VPS13A: variants seen among roughly 807,000 people sequenced by gnomAD.
VPS13A encodes the protein vacuolar protein sorting 13 homolog A, also known as intermembrane lipid transfer protein VPS13A.
A neutral mutation model predicts 390.9 loss-of-function variants in VPS13A; 264 were observed. The observed-to-expected ratio is 0.68, with a 90% CI of 0.61 to 0.75. The LOEUF is 0.75. Ranked by LOEUF, VPS13A falls within the 30% of genes least tolerant of loss-of-function variation. The pLI, the probability that VPS13A is intolerant of heterozygous loss-of-function variation, is 0.00. For synonymous variants in VPS13A, 1,231 were observed against 1,227.1 expected (o/e 1.00, Z -0.07); for missense variants, 3,409 against 3,733.9 (o/e 0.91, Z 2.27).
At chr9:77,401,330 TGTG>T (rs930865329) in intron 68 of VPS13A, among the ~76,000 whole-genome samples, 3 of 4,136 alleles carry the variant, frequency 7.3e-4, no homozygotes, top group Non-Finnish European at 1.4e-3. Flanking sequence ...CACATGAAGT[TGTG>T]TGTGTGTGTG....
chr9:77,379,011 A>C (rs1833271866), intron 67 of VPS13A, among the ~76,000 whole-genome samples: 1 of 147,882 alleles, frequency 6.8e-6, no homozygotes, highest in Non-Finnish European at 1.5e-5. Context: ...TCTTATTTAC[A>C]CATTTCTAGT....
chr9:77,283,470 A>G lies in VPS13A; in HGVS notation c.3234A>G (p.Glu1078=), dbSNP rs770374996. 1 of 1,600,346 alleles carries G rather than the reference A, an allele frequency of 6.2e-7. No individual in the cohort carries two copies. The highest frequency in any genetic ancestry group is 1.1e-5 in the South Asian group (1 of 90,624). The part of the protein sequence containing the change: ...QKCNISEIKI[E]GLDSEMIMRP... Reference sequence around the variant, plus strand: ...GTAACATTTCTGAAATTAAGATTGAAGGTAATAAAATTTCACAAAAAGCAA... The same window carrying G: ...GTAACATTTCTGAAATTAAGATTGAGGGTAATAAAATTTCACAAAAAGCAA... The change falls in exon 30 of 72, where the codon GAA becomes GAG. Residue 1078 remains glutamate, a splice_region_variant and synonymous_variant. Coordinates refer to ENST00000360280, the MANE Select transcript of VPS13A (RefSeq NM_033305.3).
intron 31 of VPS13A, among the ~76,000 whole-genome samples, chr9:77,291,301 T>C (rs1014605779): frequency 6.6e-6 from 1 of 152,120 alleles, no homozygotes; most frequent in Non-Finnish European, 1.5e-5. Flanking sequence ...CTCCCCACCC[T>C]CCAACCCCCC....
chr9:77,382,069 T>C lies in VPS13A; in HGVS notation c.9171T>C (p.Thr3057=), dbSNP rs1833470886. Residue 3057 remains threonine (T), a synonymous_variant, in exon 68 of 72, where the codon ACT becomes ACC. Coordinates refer to ENST00000360280, the MANE Select transcript of VPS13A (RefSeq NM_033305.3). The part of the protein sequence containing the change: ...VIRPYRLRDG[T]GNQMLQVMEN... Reference sequence around the variant, plus strand: ...GACCGTACAGGTTGAGGGATGGGACTGGAAATCAAATGTTACAGGTAAATT... The same window carrying C: ...GACCGTACAGGTTGAGGGATGGGACCGGAAATCAAATGTTACAGGTAAATT... 6.2e-7 allele frequency: 1 copy of C among 1,607,136 alleles called. No homozygotes were observed. The highest frequency in any genetic ancestry group is 8.5e-7 in the Non-Finnish European group (1 of 1,176,392).
chr9:77,407,824 A>G (rs1379160168), intron 71 of VPS13A, among the ~76,000 whole-genome samples: 1 of 152,152 alleles, frequency 6.6e-6, no homozygotes, highest in Non-Finnish European at 1.5e-5. Flanking sequence ...CTTGCTTTTC[A>G]AACCAGATTG....
intron 22 of VPS13A, among the ~76,000 whole-genome samples, chr9:77,253,982 G>C (rs866597752): frequency 8.7e-6 from 1 of 114,506 alleles, no homozygotes; most frequent in Non-Finnish European, 1.6e-5. Context: ...TCTCGCTGTC[G>C]CCCAGGCTGG....
chr9:77,251,780 T>G (rs1199034654), intron 21 of VPS13A, among the ~76,000 whole-genome samples: 1 of 152,096 alleles, frequency 6.6e-6, no homozygotes. Flanking sequence ...CAAGTAGACT[T>G]GGATGTGAAT....
intron 71 of VPS13A, among the ~76,000 whole-genome samples, chr9:77,414,294 G>GT (rs1835069811): frequency 6.6e-6 from 1 of 152,176 alleles, no homozygotes; most frequent in African/African-American, 2.4e-5. Context: ...GCACACATAT[G>GT]TTTATTGCGG....
At chr9:77,211,989 C>T (rs1825998472) in intron 7 of VPS13A, among the ~76,000 whole-genome samples, 1 of 152,074 alleles carries the variant, frequency 6.6e-6, no homozygotes, top group Non-Finnish European at 1.5e-5. Flanking sequence ...CTAGGTTGTG[C>T]CCCTGATGGA....
intron 50 of VPS13A, among the ~76,000 whole-genome samples, chr9:77,342,081 C>A (rs1830857623): frequency 6.6e-6 from 1 of 152,004 alleles, no homozygotes; most frequent in African/African-American, 2.4e-5. Flanking sequence ...GGATGGGACT[C>A]ATTGGAGTGA....
rs768080969 is a variant in VPS13A, at chr9:77,295,613, T to G, written c.3579T>G (p.Ala1193=). 6.2e-7 allele frequency: 1 copy of G among 1,613,910 alleles called. No individual in the cohort carries two copies. Among genetic ancestry groups the G allele is most frequent in the African/African-American group, 1.3e-5 (1 of 75,046 alleles). Residue 1193 remains alanine (A), a synonymous_variant, in exon 33 of 72, where the codon GCT becomes GCG. Coordinates refer to ENST00000360280, the MANE Select transcript of VPS13A (RefSeq NM_033305.3). Reference sequence around the variant, plus strand: ...CAACTGTTCAGGCAGCTGGAATGGCTGCTACTGGTGTAAAAGAACTCGCAC... The same window carrying G: ...CAACTGTTCAGGCAGCTGGAATGGCGGCTACTGGTGTAAAAGAACTCGCAC... The part of the protein sequence containing the change: ...AEATVQAAGM[A]ATGVKELAQR...
Position 77,321,345 on chromosome 9 carries a change from A to T in VPS13A, c.5574+18A>T, listed in dbSNP as rs1313595324. 8 of 1,596,254 alleles carry T rather than the reference A, an allele frequency of 5.0e-6. No individual in the cohort carries two copies. Among genetic ancestry groups the T allele is most frequent in the Non-Finnish European group, 6.0e-6 (7 of 1,167,024 alleles). On this transcript the variant is annotated intron_variant, in intron 43 of 71. Transcript: ENST00000360280. ...TAGTCAAGGTAAGAAAAGAAATTTGAAACTTTAAATATTGAGATACTTGTC... is the reference window on the plus strand; with the variant it reads ...TAGTCAAGGTAAGAAAAGAAATTTGTAACTTTAAATATTGAGATACTTGTC...
chr9:77,248,058 A>G (rs1359659690), intron 20 of VPS13A, among the ~76,000 whole-genome samples: 1 of 152,170 alleles, frequency 6.6e-6, no homozygotes, highest in Non-Finnish European at 1.5e-5. Flanking sequence ...AAGTATATAG[A>G]ATGATAGAGA....
chr9:77,409,507 A>C (rs1349836623), intron 71 of VPS13A, among the ~76,000 whole-genome samples: 1 of 152,186 alleles, frequency 6.6e-6, no homozygotes, highest in Non-Finnish European at 1.5e-5. Flanking sequence ...CACCAAGCTA[A>C]AGGAGGAAGT....
chr9:77,396,862 T>G (rs1192587851), intron 68 of VPS13A, among the ~76,000 whole-genome samples: 1 of 152,242 alleles, frequency 6.6e-6, no homozygotes, highest in Admixed American at 6.5e-5. Context: ...GTAGAATCTA[T>G]TCATAAATGC....
At chr9:77,185,617 T>A (rs773094974) in intron 1 of VPS13A, among the ~76,000 whole-genome samples, 2 of 152,216 alleles carry the variant, frequency 1.3e-5, no homozygotes, top group East Asian at 3.9e-4. Context: ...CAGTGTCTTA[T>A]CATATTTATA....
chr9:77,237,986 T>C lies in VPS13A; in HGVS notation c.1596-16T>C. The C allele has an allele frequency of 6.4e-7, 1 of 1,567,498 alleles. No individual in the cohort carries two copies. Among genetic ancestry groups the C allele is most frequent in the Non-Finnish European group, 8.7e-7 (1 of 1,146,258 alleles). ...TTTTACTGATCGCTGACTTTTTTCT[T>C]TTTTTTTTAATGCAGATTTGAAACT... On this transcript the variant is annotated splice_polypyrimidine_tract_variant and intron_variant, in intron 17 of 71. Transcript: ENST00000360280.
intron 19 of VPS13A, among the ~76,000 whole-genome samples, chr9:77,239,563 C>T (rs1157514812): frequency 2.0e-5 from 3 of 151,326 alleles, no homozygotes; most frequent in Admixed American, 6.6e-5. Flanking sequence ...AGTTTCTTTT[C>T]GTTAGAATTT....
At chr9:77,282,702 G>T (rs542891754) in intron 29 of VPS13A, among the ~76,000 whole-genome samples, 31 of 152,188 alleles carry the variant, frequency 2.0e-4, no homozygotes, top group African/African-American at 5.8e-4. Context: ...GGAGGTGAGC[G>T]CTGTGGGGAT....
Sources: gnomAD v4.1 joint callset for allele counts (sites outside exome capture counted in the v4.1 genomes callset) on GRCh38, gnomAD v4.1.1 for gene constraint, MANE v1.5 for transcripts, NCBI Gene and HGNC (gene_info 2026-07-23, HGNC 2026-07-21) for gene names.